SLC8A1: variants seen among roughly 807,000 people sequenced by gnomAD.
SLC8A1 encodes the protein solute carrier family 8 member A1.
Under a neutral mutation model 68.3 loss-of-function variants are expected in SLC8A1, and 18 were observed. The ratio of observed to expected loss-of-function variants is 0.26; its 90% CI spans 0.18 to 0.39. The LOEUF (loss-of-function observed/expected upper bound fraction) is 0.39. Ranked by LOEUF, SLC8A1 falls within the 10% of genes least tolerant of loss-of-function variation. The pLI is 1.00. For synonymous variants in SLC8A1, 475 were observed against 415.5 expected (o/e 1.14, Z -1.74); for missense variants, 985 against 1,156.7 (o/e 0.85, Z 2.15).
At chr2:40,407,523 C>A (rs1267504512) in intron 2 of SLC8A1, among the ~76,000 whole-genome samples, 1 of 152,056 alleles carries the variant, frequency 6.6e-6, no homozygotes, top group Admixed American at 6.6e-5. Context: ...TTTCCATTTT[C>A]ATTTTATGAA....
chr2:40,415,665 T>G (rs897007103), intron 2 of SLC8A1, among the ~76,000 whole-genome samples: 10 of 152,078 alleles, frequency 6.6e-5, no homozygotes, highest in Admixed American at 5.9e-4. Context: ...AAAGGACTAA[T>G]GCTCTCTTAT....
intron 2 of SLC8A1, among the ~76,000 whole-genome samples, chr2:40,406,106 G>A (rs1247463136): frequency 6.6e-6 from 1 of 152,096 alleles, no homozygotes. Context: ...TTCATTTGTT[G>A]TCAGTCACCT....
At chr2:40,495,008 T>C (rs1705599326) in intron 1 of SLC8A1, among the ~76,000 whole-genome samples, 1 of 151,710 alleles carries the variant, frequency 6.6e-6, no homozygotes, top group Non-Finnish European at 1.5e-5. Context: ...AAATCATGCT[T>C]CTGGGAGGTA....
At chr2:40,415,032 C>T (rs1333562463) in intron 2 of SLC8A1, among the ~76,000 whole-genome samples, 1 of 152,072 alleles carries the variant, frequency 6.6e-6, no homozygotes, top group African/African-American at 2.4e-5. Context: ...AGGGAATGGA[C>T]TCGTATTTAA....
chr2:40,252,834 G>A (rs1029706250), intron 2 of SLC8A1, among the ~76,000 whole-genome samples: 2 of 112,448 alleles, frequency 1.8e-5, no homozygotes, highest in African/African-American at 7.9e-5. Flanking sequence ...GTATATACAT[G>A]TGTATACATA....
chr2:40,153,428 A>G (rs1163276779), intron 6 of SLC8A1, among the ~76,000 whole-genome samples: 4 of 152,206 alleles, frequency 2.6e-5, no homozygotes, highest in Admixed American at 2.6e-4. Context: ...AAAGAATTTA[A>G]ACACTTTATT....
intron 2 of SLC8A1, among the ~76,000 whole-genome samples, chr2:40,358,000 C>A (rs986682409): frequency 1.9e-5 from 2 of 106,392 alleles, no homozygotes; most frequent in Non-Finnish European, 3.6e-5. Flanking sequence ...AAATCCATCA[C>A]AAAATTATTG....
chr2:40,428,068 G>A lies in SLC8A1; in HGVS notation c.1808+405C>T, dbSNP rs1372122251. On this transcript the variant is annotated intron_variant, in intron 2 of 7. Coordinates refer to ENST00000406785, the Ensembl canonical transcript of SLC8A1. ...TTTGGGTTTTCCCAATTTGTACTCA[G>A]AAACGAAGTTAGAGACCTATTGTGA... 4.6e-5 allele frequency among the ~76,000 whole-genome samples: 7 copies of A among 152,168 alleles called. No homozygotes were observed. The East Asian group carries it at 1.2e-3, about 25-fold the overall frequency.
At chr2:40,143,577 T>G (rs1323113324) in intron 6 of SLC8A1, among the ~76,000 whole-genome samples, 1 of 152,214 alleles carries the variant, frequency 6.6e-6, no homozygotes, top group Non-Finnish European at 1.5e-5. Flanking sequence ...TTAAATGGCT[T>G]CCCTGATACA....
chr2:40,177,386 T>G (rs911822769), intron 3 of SLC8A1, among the ~76,000 whole-genome samples: 1 of 152,174 alleles, frequency 6.6e-6, no homozygotes, highest in African/African-American at 2.4e-5. Context: ...TGATGAGGTA[T>G]TAAGTCGTCT....
At chr2:40,358,048 GA>G (rs776231355) in intron 2 of SLC8A1, among the ~76,000 whole-genome samples, 5,299 of 77,762 alleles carry the variant, frequency 0.068, 88 homozygotes, top group African/African-American at 0.077. Context: ...GCAACTGAAG[GA>G]AAAAAAAAAA....
chr2:40,463,282 T>C (rs550781651), intron 1 of SLC8A1, among the ~76,000 whole-genome samples: 2 of 152,268 alleles, frequency 1.3e-5, no homozygotes, highest in South Asian at 4.2e-4. Context: ...TGAGATGCAG[T>C]TGAGGAACTG....
intron 7 of SLC8A1, among the ~76,000 whole-genome samples, chr2:40,131,224 G>T (rs1189673020): frequency 6.6e-6 from 1 of 152,124 alleles, no homozygotes; most frequent in Non-Finnish European, 1.5e-5. Flanking sequence ...CGGAGGGAGG[G>T]TTGGGTTTGA....
chr2:40,427,165 T>C (rs981963550), intron 2 of SLC8A1, among the ~76,000 whole-genome samples: 5 of 152,068 alleles, frequency 3.3e-5, no homozygotes, highest in African/African-American at 1.2e-4. Context: ...ATTGTGATAT[T>C]GTACTCGACA....
intron 2 of SLC8A1, among the ~76,000 whole-genome samples, chr2:40,323,928 A>T (rs2075510807): frequency 6.6e-6 from 1 of 152,064 alleles, no homozygotes; most frequent in African/African-American, 2.4e-5. Flanking sequence ...AATTTTTTAA[A>T]GTCTGTACAA....
At chr2:40,241,682 C>T (rs893170816) in intron 2 of SLC8A1, among the ~76,000 whole-genome samples, 1 of 151,882 alleles carries the variant, frequency 6.6e-6, no homozygotes, top group Non-Finnish European at 1.5e-5. Context: ...GAAGGTGGTC[C>T]ATCTAATCCC....
intron 2 of SLC8A1, among the ~76,000 whole-genome samples, chr2:40,413,315 C>T (rs1001881167): frequency 7.9e-5 from 12 of 151,998 alleles, no homozygotes; most frequent in East Asian, 1.9e-4. Flanking sequence ...ATGTTTATTG[C>T]GGCACTATTC....
intron 2 of SLC8A1, among the ~76,000 whole-genome samples, chr2:40,387,776 A>G (rs932134025): frequency 6.6e-6 from 1 of 151,754 alleles, no homozygotes; most frequent in African/African-American, 2.4e-5. Context: ...TGTCTCTACT[A>G]AAAACACAAA....
intron 2 of SLC8A1, among the ~76,000 whole-genome samples, chr2:40,195,099 A>G (rs1301918551): frequency 2.0e-5 from 3 of 152,148 alleles, no homozygotes; most frequent in Non-Finnish European, 2.9e-5. Flanking sequence ...ACTGATCACA[A>G]GAAGAATGTG....
Sources: allele counts gnomAD v4.1 joint callset (sites outside exome capture counted in the v4.1 genomes callset), GRCh38; gene constraint gnomAD v4.1.1; transcripts MANE v1.5; gene names NCBI Gene and HGNC (gene_info 2026-07-23, HGNC 2026-07-21).